ASXL3: variants seen among roughly 807,000 people sequenced by gnomAD.
ASXL3 encodes the protein ASXL transcriptional regulator 3.
Under a neutral mutation model 170.6 loss-of-function variants are expected in ASXL3, and 34 were observed. The observed-to-expected ratio is 0.20, with a 90% CI of 0.15 to 0.27. The LOEUF is 0.27. ASXL3 is among the 10% of genes least tolerant of loss of function. ASXL3 has a pLI of 1.00. For synonymous variants in ASXL3, 1,002 were observed against 989.1 expected (o/e 1.01, Z -0.24); for missense variants, 2,592 against 2,695.3 (o/e 0.96, Z 0.85).
At chr18:33,630,944 T>A (rs1267435291) in intron 2 of ASXL3, among the ~76,000 whole-genome samples, 2 of 151,796 alleles carry the variant, frequency 1.3e-5, no homozygotes, top group Admixed American at 6.6e-5. Context: ...CAATCAAAAA[T>A]GTAAATATGA....
intron 4 of ASXL3, among the ~76,000 whole-genome samples, chr18:33,660,623 T>C (rs2145230742): frequency 6.6e-6 from 1 of 152,326 alleles, no homozygotes; most frequent in South Asian, 2.1e-4. Context: ...GTTATTTTCT[T>C]CTGACTTCCT....
chr18:33,683,517 T>C lies in ASXL3; in HGVS notation c.828T>C (p.Pro276=), dbSNP rs2066546690. 2.5e-6 allele frequency: 4 copies of C among 1,613,406 alleles called. No homozygotes were observed. Among genetic ancestry groups the C allele is most frequent in the Non-Finnish European group, 1.7e-6 (2 of 1,179,702 alleles). ...ATAAACATACGTTTGCTTCCTTACC[T>C]CAGCATTTTCAACAATACCTCCTGC... The part of the protein sequence containing the change: ...LINKHTFASL[P]QHFQQYLLLL... The change falls in exon 8 of 12, where the codon CCT becomes CCC. Residue 276 remains proline (P), a synonymous_variant. Transcript: ENST00000269197.
At chr18:33,588,781 A>T (rs2065054438) in intron 1 of ASXL3, among the ~76,000 whole-genome samples, 1 of 152,094 alleles carries the variant, frequency 6.6e-6, no homozygotes, top group African/African-American at 2.4e-5. Context: ...CATAGCAACA[A>T]TGAAGTCCAC....
intron 2 of ASXL3, among the ~76,000 whole-genome samples, chr18:33,611,452 T>G (rs1311970820): frequency 6.6e-6 from 1 of 152,088 alleles, no homozygotes; most frequent in African/African-American, 2.4e-5. Context: ...CTCTGTGTGC[T>G]TGCTTCACTG....
intron 2 of ASXL3, among the ~76,000 whole-genome samples, chr18:33,629,503 C>T (rs1347526382): frequency 6.6e-6 from 1 of 151,992 alleles, no homozygotes; most frequent in Non-Finnish European, 1.5e-5. Flanking sequence ...TAATTTTAGC[C>T]ATGGTTTAAT....
chr18:33,710,014 G>C (rs1444190271), intron 8 of ASXL3, among the ~76,000 whole-genome samples: 1 of 152,132 alleles, frequency 6.6e-6, no homozygotes, highest in African/African-American at 2.4e-5. Context: ...CCAGCACTTT[G>C]GGAGGCTGAG....
chr18:33,661,797 T>C, intron 5 of ASXL3, 60 bp downstream of exon 5: 1 of 1,536,692 alleles, frequency 6.5e-7, no homozygotes, highest in Non-Finnish European at 8.8e-7. Flanking sequence ...GTAATGTGTG[T>C]TTTGCTGATC....
Position 33,742,952 on chromosome 18 carries a change from C to T in ASXL3, c.3104C>T (p.Ser1035Phe), listed in dbSNP as rs770890956. 1 of 1,613,816 alleles carries T rather than the reference C, an allele frequency of 6.2e-7. No individual in the cohort carries two copies. The highest frequency in any genetic ancestry group is 8.5e-7 in the Non-Finnish European group (1 of 1,179,830). Residue 1035 changes from serine (S) to phenylalanine (F), a missense_variant, in exon 12 of 12, where the codon TCT becomes TTT. This residue lies in a region of ASXL3 where 2,246 missense variants were observed against 2,219.6 expected (regional missense o/e 1.01). Coordinates refer to ENST00000269197, the MANE Select transcript of ASXL3 (RefSeq NM_030632.3). ...IKSQPVSKPESRASTSTSVSG... is the reference protein window; with the variant it reads ...IKSQPVSKPEFRASTSTSVSG... ...AGCCAACCAGTCTCCAAACCTGAGTCTCGAGCATCCACTAGCACATCTGTC... is the reference window on the plus strand; with the variant it reads ...AGCCAACCAGTCTCCAAACCTGAGTTTCGAGCATCCACTAGCACATCTGTC...
Position 33,750,353 on chromosome 18 carries a change from G to A in ASXL3, c.*3758G>A, listed in dbSNP as rs556724810. 20 of 152,108 alleles carry A rather than the reference G, an allele frequency of 1.3e-4. No homozygotes were observed. Among genetic ancestry groups the A allele is most frequent in the African/African-American group, 4.1e-4 (17 of 41,498 alleles). 9.4% of individuals were successfully genotyped at this position (152,108 alleles called of 1,614,324 possible). ...GCTTTTTTATAGCACATACTATTTC[G>A]CTTTGTACTATATTTGATAGTTGCA... On this transcript the variant is annotated 3_prime_UTR_variant, in exon 12 of 12. Coordinates refer to ENST00000269197, the MANE Select transcript of ASXL3 (RefSeq NM_030632.3).
At position 33,743,223 on chromosome 18, in the gene ASXL3, A is replaced by T; in HGVS notation, c.3375A>T (p.Lys1125Asn). ...GAGCCCATCTCTTCCAGACCTCTAA[A>T]GAGACCCGGTTGCCTCCTCCGCTCA... ...QARAHLFQTS[K>N]ETRLPPPLSS... The change falls in exon 12 of 12, where the codon AAA becomes AAT. Residue 1125 changes from lysine to asparagine, a missense_variant. Coordinates refer to ENST00000269197, the MANE Select transcript of ASXL3 (RefSeq NM_030632.3). The T allele has an allele frequency of 6.2e-7, 1 of 1,614,002 alleles. No homozygotes were observed. The highest frequency in any genetic ancestry group is 1.7e-5 in the Admixed American group (1 of 60,030).
At chr18:33,629,122 G>A (rs2065641577) in intron 2 of ASXL3, among the ~76,000 whole-genome samples, 2 of 152,084 alleles carry the variant, frequency 1.3e-5, no homozygotes, top group South Asian at 4.1e-4. Flanking sequence ...AAGAAGTAAA[G>A]CCCTTTAACT....
At chr18:33,659,023 A>G (rs971657014) in intron 4 of ASXL3, among the ~76,000 whole-genome samples, 1 of 152,096 alleles carries the variant, frequency 6.6e-6, no homozygotes, top group Non-Finnish European at 1.5e-5. Context: ...CTCAAAATGT[A>G]CAGTGTATAT....
At chr18:33,677,168 T>A (rs1000086636) in intron 7 of ASXL3, among the ~76,000 whole-genome samples, 1 of 152,180 alleles carries the variant, frequency 6.6e-6, no homozygotes, top group African/African-American at 2.4e-5. Context: ...TGTATTTTAT[T>A]TGGTTTAATG....
At position 33,750,363 on chromosome 18, in the gene ASXL3, A is replaced by G. The variant is rs2067865303; in HGVS notation, c.*3768A>G. 1 of 152,200 alleles carries G rather than the reference A, an allele frequency of 6.6e-6. No individual in the cohort carries two copies. Among genetic ancestry groups the G allele is most frequent in the African/African-American group, 2.4e-5 (1 of 41,450 alleles). 9.4% of individuals were successfully genotyped at this position (152,200 alleles called of 1,614,324 possible). On this transcript the variant is annotated 3_prime_UTR_variant, in exon 12 of 12. Transcript: ENST00000269197. The stretch of plus-strand genomic sequence containing the variant: ...AGCACATACTATTTCGCTTTGTACT[A>G]TATTTGATAGTTGCAGAATAATTTA...
chr18:33,690,149 C>A (rs1014573207), intron 8 of ASXL3: 2 of 152,170 alleles, frequency 1.3e-5, no homozygotes, highest in Non-Finnish European at 2.9e-5. Flanking sequence ...AGGGGTGAGC[C>A]ACCATGCTCA....
intron 1 of ASXL3, among the ~76,000 whole-genome samples, chr18:33,581,050 T>G (rs1017141329): frequency 3.9e-5 from 6 of 152,158 alleles, no homozygotes; most frequent in African/African-American, 1.2e-4. Context: ...CTGGTCACCA[T>G]TAACCAAATT....
At position 33,746,013 on chromosome 18, in the gene ASXL3, A is replaced by G. The variant is rs778801981; in HGVS notation, c.6165A>G (p.Lys2055=). The change falls in exon 12 of 12, where the codon AAA becomes AAG. Residue 2055 remains lysine, a synonymous_variant. Coordinates refer to ENST00000269197, the MANE Select transcript of ASXL3 (RefSeq NM_030632.3). ...LPNAEVPSDQ[K]QPPVTMETTK... Reference sequence around the variant, plus strand: ...ATGCAGAAGTCCCATCTGATCAAAAACAACCTCCAGTTACCATGGAAACCA... The same window carrying G: ...ATGCAGAAGTCCCATCTGATCAAAAGCAACCTCCAGTTACCATGGAAACCA... The G allele has an allele frequency of 2.0e-5, 32 of 1,611,224 alleles. No homozygotes were observed. The East Asian group carries it at 6.5e-4, about 33-fold the overall frequency.
chr18:33,622,397 T>C lies in ASXL3; in HGVS notation c.137+14721T>C, dbSNP rs2040202. On this transcript the variant is annotated intron_variant, in intron 2 of 11. Coordinates refer to ENST00000269197, the MANE Select transcript of ASXL3 (RefSeq NM_030632.3). Reference sequence around the variant, plus strand: ...TGCTGATTTTATTAAACCCTTTGCATTTAATTTAAATATTTTCAGATTGTT... The same window carrying C: ...TGCTGATTTTATTAAACCCTTTGCACTTAATTTAAATATTTTCAGATTGTT... Among the ~76,000 whole-genome samples, 123 of 152,152 alleles carry C rather than the reference T, an allele frequency of 8.1e-4. 1 individual carries two copies. Among genetic ancestry groups the C allele is most frequent in the African/African-American group, 2.9e-3 (119 of 41,500 alleles).
At position 33,747,953 on chromosome 18, in the gene ASXL3, G is replaced by A. The variant is rs574150884; in HGVS notation, c.*1358G>A. 13 of 152,296 alleles carry A rather than the reference G, an allele frequency of 8.5e-5. No homozygotes were observed. Among genetic ancestry groups the A allele is most frequent in the Non-Finnish European group, 2.9e-5 (2 of 68,026 alleles). The allele number at this position is 152,296 out of a possible 1,614,324, so 9.4% of individuals were successfully genotyped here. A position where few individuals can be genotyped will look rare whatever the true frequency, so the allele number is the denominator to read the frequency against. On this transcript the variant is annotated 3_prime_UTR_variant, in exon 12 of 12. Coordinates refer to ENST00000269197, the MANE Select transcript of ASXL3 (RefSeq NM_030632.3). ...CATACCAGAGGACAGCCGTAGTTCA[G>A]GAGGCTCTGTTTTCAAAAGCAAGTT...
Sources: allele counts gnomAD v4.1 joint callset (sites outside exome capture counted in the v4.1 genomes callset), GRCh38; gene constraint gnomAD v4.1.1; regional missense constraint gnomAD v4.1.1; transcripts MANE v1.5; gene names NCBI Gene and HGNC (gene_info 2026-07-23, HGNC 2026-07-21).